LSAMP: variants seen among roughly 807,000 people sequenced by gnomAD.
The protein encoded by LSAMP is limbic system-associated membrane protein.
Under a neutral mutation model 38.6 loss-of-function variants are expected in LSAMP, and 7 were observed. The observed-to-expected ratio is 0.18, with a 90% CI of 0.10 to 0.34. The LOEUF is 0.34. Ranked by LOEUF, LSAMP falls within the 10% of genes least tolerant of loss-of-function variation. The pLI is 1.00. For missense variants in LSAMP, 313 were observed against 420.0 expected (o/e 0.75, Z 2.23); for synonymous variants, 154 against 166.8 (o/e 0.92, Z 0.59).
At chr3:116,273,911 G>T (rs1040322251) in intron 1 of LSAMP, among the ~76,000 whole-genome samples, 1 of 148,232 alleles carries the variant, frequency 6.7e-6, no homozygotes, top group Non-Finnish European at 1.5e-5. Flanking sequence ...ATTGGTAAAA[G>T]GTGTTTGACC....
intron 2 of LSAMP, among the ~76,000 whole-genome samples, chr3:116,038,036 A>T (rs1191749242): frequency 6.6e-6 from 1 of 152,074 alleles, no homozygotes; most frequent in Non-Finnish European, 1.5e-5. Flanking sequence ...TGAACAAAGG[A>T]TGTCTGAAGA....
chr3:116,178,771 A>G (rs933397313), intron 1 of LSAMP, among the ~76,000 whole-genome samples: 18 of 152,168 alleles, frequency 1.2e-4, no homozygotes, highest in African/African-American at 3.9e-4. Flanking sequence ...AATAAAAATA[A>G]ATAAATTTTA....
intron 3 of LSAMP, among the ~76,000 whole-genome samples, chr3:115,909,165 A>T (rs1937080468): frequency 1.3e-5 from 2 of 152,166 alleles, no homozygotes; most frequent in Admixed American, 1.3e-4. Flanking sequence ...CTCCTCCTGC[A>T]TCCTTAGCTT....
chr3:116,062,651 C>CT (rs1941615219), intron 2 of LSAMP, among the ~76,000 whole-genome samples: 1 of 152,108 alleles, frequency 6.6e-6, no homozygotes, highest in Non-Finnish European at 1.5e-5. Context: ...CAGTCTTCTG[C>CT]GAGCTTTTCA....
chr3:115,850,717 T>C (rs922714864), intron 4 of LSAMP, among the ~76,000 whole-genome samples: 2 of 152,200 alleles, frequency 1.3e-5, no homozygotes, highest in African/African-American at 4.8e-5. Flanking sequence ...CCATAAACTA[T>C]AGCAGAGTCA....
intron 1 of LSAMP, among the ~76,000 whole-genome samples, chr3:116,301,874 C>T (rs1416964721): frequency 1.3e-5 from 2 of 152,176 alleles, no homozygotes; most frequent in African/African-American, 4.8e-5. Context: ...ATCTTAATCG[C>T]TCCTCCCAGT....
chr3:116,277,669 C>T (rs1374911925), intron 1 of LSAMP, among the ~76,000 whole-genome samples: 2 of 152,166 alleles, frequency 1.3e-5, no homozygotes, highest in Admixed American at 1.3e-4. Flanking sequence ...CTGCGCCCGG[C>T]CTGCTCTTCT....
At chr3:116,294,158 C>A (rs2047300920) in intron 1 of LSAMP, among the ~76,000 whole-genome samples, 1 of 152,088 alleles carries the variant, frequency 6.6e-6, no homozygotes, top group African/African-American at 2.4e-5. Context: ...AAAAGCCAGA[C>A]CCATAGGTAG....
At chr3:116,224,160 C>T (rs1311337744) in intron 1 of LSAMP, among the ~76,000 whole-genome samples, 2 of 152,204 alleles carry the variant, frequency 1.3e-5, no homozygotes, top group Non-Finnish European at 2.9e-5. Context: ...AACCTCCCTA[C>T]TAGGCTGCCA....
intron 3 of LSAMP, among the ~76,000 whole-genome samples, chr3:115,964,618 G>A (rs138951758): frequency 2.0e-3 from 309 of 152,172 alleles, no homozygotes; most frequent in African/African-American, 7.2e-3. Flanking sequence ...ATTATGCGCA[G>A]ATGATAAAAT....
chr3:116,445,399 C>T lies in LSAMP; in HGVS notation c.-368G>A. On this transcript the variant is annotated 5_prime_UTR_variant, in exon 1 of 7. Coordinates refer to ENST00000490035, the MANE Select transcript of LSAMP (RefSeq NM_002338.5). ...AGTGTCTGAGCTGAGCTCCTTCGCT[C>T]TGTAACCCACTTTCCCAGGCTGGCG... The T allele has an allele frequency of 2.3e-6, 1 of 439,694 alleles. No homozygotes were observed. The highest frequency in any genetic ancestry group is 4.0e-6 in the Non-Finnish European group (1 of 251,586). 27.2% of individuals were successfully genotyped at this position (439,694 alleles called of 1,614,324 possible).
At chr3:116,212,827 T>A (rs1210090120) in intron 1 of LSAMP, among the ~76,000 whole-genome samples, 3 of 152,166 alleles carry the variant, frequency 2.0e-5, no homozygotes, top group African/African-American at 7.2e-5. Context: ...TTGAGAAGAA[T>A]GCTACAAGGG....
intron 1 of LSAMP, among the ~76,000 whole-genome samples, chr3:116,270,147 T>C (rs1461672577): frequency 6.6e-6 from 1 of 152,184 alleles, no homozygotes; most frequent in Non-Finnish European, 1.5e-5. Flanking sequence ...GCAATATACA[T>C]TTTAGGTCAG....
At chr3:116,255,153 C>T (rs546816833) in intron 1 of LSAMP, among the ~76,000 whole-genome samples, 1 of 152,238 alleles carries the variant, frequency 6.6e-6, no homozygotes, top group South Asian at 2.1e-4. Context: ...CACCCATCAC[C>T]ATCAGTAGTG....
At chr3:116,030,760 A>G (rs1337248992) in intron 2 of LSAMP, among the ~76,000 whole-genome samples, 1 of 152,118 alleles carries the variant, frequency 6.6e-6, no homozygotes, top group East Asian at 1.9e-4. Context: ...GAGAAAAGAA[A>G]AGTGTACTTT....
At chr3:116,309,883 AT>A (rs2047532645) in intron 1 of LSAMP, among the ~76,000 whole-genome samples, 1 of 152,100 alleles carries the variant, frequency 6.6e-6, no homozygotes, top group African/African-American at 2.4e-5. Context: ...CTTTCCTTTG[AT>A]ATTGTTTTTG....
intron 1 of LSAMP, among the ~76,000 whole-genome samples, chr3:116,290,447 T>G (rs943033384): frequency 6.6e-6 from 1 of 151,994 alleles, no homozygotes. Flanking sequence ...TAAAAGTACT[T>G]TTGGCTGGGC....
At chr3:116,138,514 C>T (rs961508067) in intron 1 of LSAMP, among the ~76,000 whole-genome samples, 1 of 151,946 alleles carries the variant, frequency 6.6e-6, no homozygotes, top group African/African-American at 2.4e-5. Context: ...TACAACTTTT[C>T]AGCAATGCGG....
intron 6 of LSAMP, among the ~76,000 whole-genome samples, chr3:115,814,772 A>C (rs940309882): frequency 2.6e-5 from 4 of 152,230 alleles, no homozygotes; most frequent in Non-Finnish European, 4.4e-5. Context: ...TAGAATTATT[A>C]AGGGCTGATT....
Sources: allele counts gnomAD v4.1 joint callset (sites outside exome capture counted in the v4.1 genomes callset), GRCh38; gene constraint gnomAD v4.1.1; transcripts MANE v1.5; gene names NCBI Gene and HGNC (gene_info 2026-07-23, HGNC 2026-07-21).